The following MAGEC3 variants were observed in gnomAD, a reference collection of about 807,000 sequenced individuals.
The protein encoded by MAGEC3 is melanoma-associated antigen C3.
MAGEC3 carries 34 observed loss-of-function variants against 35.3 expected under a neutral mutation model. The ratio of observed to expected loss-of-function variants is 0.96; its 90% CI spans 0.73 to 1.28. MAGEC3 has a LOEUF of 1.28. Ranked by LOEUF, MAGEC3 falls within the 50% of genes most tolerant of loss-of-function variation. The probability of loss-of-function intolerance (pLI) is 0.00; values close to 1 mark genes in which losing one functional copy is unlikely to be tolerated. For missense variants in MAGEC3, 561 were observed against 483.6 expected (o/e 1.16, Z -1.50); for synonymous variants, 202 against 185.6 (o/e 1.09, Z -0.72).
chrX:141,870,057 G>A (rs943836792), intron 2 of MAGEC3, among the ~76,000 whole-genome samples: 7 of 111,127 alleles, frequency 6.3e-5, no homozygotes, highest in South Asian at 3.7e-4. Context: ...TTTGGGAAGC[G>A]TATTAAATAT....
In MAGEC3 at chrX:141,876,029, C is replaced by CT. The variant is rs774960006; in HGVS notation, c.259-3140dup. Among the ~76,000 whole-genome samples the CT allele has an allele frequency of 4.2e-3, 471 of 112,270 alleles. 1 individual carries two copies. The highest frequency in any genetic ancestry group is 0.014 in the African/African-American group (425 of 30,893). On this transcript the variant is annotated intron_variant, in intron 2 of 7. Coordinates refer to ENST00000298296, the MANE Select transcript of MAGEC3 (RefSeq NM_138702.1). ...GTCTCTGGCAAAGCCACAAGTCAGCCTTTTTTGGAATCTCAGGGTTCCTGA... is the reference window on the plus strand; with the variant it reads ...GTCTCTGGCAAAGCCACAAGTCAGCCTTTTTTTGGAATCTCAGGGTTCCTGA...
At chrX:141,862,063 A>G (rs765803521) in intron 1 of MAGEC3, among the ~76,000 whole-genome samples, 14 of 111,989 alleles carry the variant, frequency 1.3e-4, no homozygotes, top group African/African-American at 3.2e-4. Context: ...ACTACTGAGC[A>G]TATATCAGGA....
chrX:141,896,813 C>G (rs199749115), intron 6 of MAGEC3, 69 bp from the exon 7 acceptor site: 67 of 1,204,042 alleles, frequency 5.6e-5, no homozygotes, highest in Non-Finnish European at 3.4e-6. Flanking sequence ...TTCCCCTCCT[C>G]CTCTTCCTTG....
At chrX:141,858,440 A>G (rs1156771967) in intron 1 of MAGEC3, among the ~76,000 whole-genome samples, 2 of 111,360 alleles carry the variant, frequency 1.8e-5, no homozygotes, top group Non-Finnish European at 1.9e-5. Flanking sequence ...ATTATCTTAT[A>G]TGGGTGCCTT....
At chrX:141,895,206 G>T in intron 4 of MAGEC3, 63 bp from the exon 5 acceptor site, 1 of 1,120,263 alleles carries the variant, frequency 8.9e-7, no homozygotes, top group African/African-American at 1.8e-5. Context: ...GAAGGAGGCG[G>T]AGAGGTGGGG....
chrX:141,842,063 A>T (rs2017689080), intron 1 of MAGEC3, among the ~76,000 whole-genome samples: 1 of 111,972 alleles, frequency 8.9e-6, no homozygotes, highest in Non-Finnish European at 1.9e-5. Flanking sequence ...TAAATTGCTT[A>T]ATAGTATGAA....
intron 1 of MAGEC3, among the ~76,000 whole-genome samples, chrX:141,852,263 GT>G (rs1376911256): frequency 2.7e-5 from 3 of 110,130 alleles, no homozygotes; most frequent in Non-Finnish European, 5.7e-5. Context: ...ATACAACTGA[GT>G]TTTTGTATAT....
chrX:141,895,447 G>A, intron 5 of MAGEC3, 38 bp from the exon 6 acceptor site: 1 of 1,211,110 alleles, frequency 8.3e-7, no homozygotes, highest in Non-Finnish European at 1.1e-6. Context: ...TTCGCACCAA[G>A]GACAGAAGAA....
chrX:141,859,926 A>G (rs2124095577), intron 1 of MAGEC3, among the ~76,000 whole-genome samples: 1 of 112,256 alleles, frequency 8.9e-6, no homozygotes, highest in East Asian at 2.8e-4. Context: ...AAACATGAAA[A>G]GACAAAGCTC....
At chrX:141,871,375 A>T (rs1383585174) in intron 2 of MAGEC3, among the ~76,000 whole-genome samples, 1 of 110,940 alleles carries the variant, frequency 9.0e-6, no homozygotes, top group African/African-American at 3.3e-5. Context: ...CCAAAATGGG[A>T]TTTGTGATGC....
intron 1 of MAGEC3, among the ~76,000 whole-genome samples, chrX:141,846,147 C>T (rs1311814517): frequency 9.2e-6 from 1 of 108,638 alleles, no homozygotes; most frequent in African/African-American, 3.3e-5. Flanking sequence ...CAGATCTGCA[C>T]TGCTTACTCA....
At chrX:141,847,010 G>C (rs1450377736) in intron 1 of MAGEC3, among the ~76,000 whole-genome samples, 1 of 110,975 alleles carries the variant, frequency 9.0e-6, no homozygotes, top group Admixed American at 9.6e-5. Context: ...TTACCCCAGT[G>C]CATTATTTAC....
intron 6 of MAGEC3, chrX:141,896,645 C>A (rs759098316): frequency 5.0e-6 from 6 of 1,205,605 alleles, no homozygotes; most frequent in Non-Finnish European, 6.7e-6. Context: ...TCCTGAACAA[C>A]AGGCCTCATG....
intron 6 of MAGEC3, chrX:141,896,564 C>A (rs1447765310): frequency 2.5e-6 from 3 of 1,187,355 alleles, no homozygotes; most frequent in Non-Finnish European, 3.4e-6. Flanking sequence ...AAGCTACTCA[C>A]ACTGTCACTG....
At chrX:141,893,553 G>T in intron 4 of MAGEC3, among the ~76,000 whole-genome samples, 1 of 109,841 alleles carries the variant, frequency 9.1e-6, no homozygotes, top group East Asian at 2.9e-4. Context: ...TGTAAACTGT[G>T]GACTTGACCT....
intron 4 of MAGEC3, among the ~76,000 whole-genome samples, chrX:141,885,324 G>T (rs763784990): frequency 1.8e-5 from 2 of 110,623 alleles, no homozygotes; most frequent in Non-Finnish European, 3.8e-5. Context: ...ATTGATTTGG[G>T]TCCACTAAGT....
chrX:141,896,586 C>A, intron 6 of MAGEC3: 1 of 1,190,654 alleles, frequency 8.4e-7, no homozygotes, highest in Non-Finnish European at 1.1e-6. Flanking sequence ...CTTCCTCAGG[C>A]CTGTGGGATC....
At chrX:141,895,743 AG>A (rs1230938585) in intron 6 of MAGEC3, among the ~76,000 whole-genome samples, 184 bp downstream of exon 6, 4 of 3,487 alleles carry the variant, frequency 1.1e-3, no homozygotes, top group Non-Finnish European at 2.3e-3. Context: ...GGGGAGGGGG[AG>A]GGGTGGAGGG....
Position 141,848,289 on chromosome X carries a change from G to T in MAGEC3, c.123+9851G>T, listed in dbSNP as rs138645200. Reference sequence around the variant, plus strand: ...AGTCTTAGCCAGAACAATCAGAAAGGAGAAAAAAAAATGAAAGATGTAGAA... The same window carrying T: ...AGTCTTAGCCAGAACAATCAGAAAGTAGAAAAAAAAATGAAAGATGTAGAA... On this transcript the variant is annotated intron_variant, in intron 1 of 7. Coordinates refer to ENST00000298296, the MANE Select transcript of MAGEC3 (RefSeq NM_138702.1). Among the ~76,000 whole-genome samples the T allele has an allele frequency of 4.5e-3, 483 of 107,612 alleles. 1 individual carries two copies. The highest frequency in any genetic ancestry group is 0.014 in the African/African-American group (430 of 29,731). 93.4% of individuals were successfully genotyped at this position (107,612 alleles called of 115,157 possible).
Sources: gnomAD v4.1 joint callset for allele counts (sites outside exome capture counted in the v4.1 genomes callset) on GRCh38, gnomAD v4.1.1 for gene constraint, MANE v1.5 for transcripts, NCBI Gene and HGNC (gene_info 2026-07-23, HGNC 2026-07-21) for gene names.